The following CCDC85A variants were observed in gnomAD, a reference collection of about 807,000 sequenced individuals.
CCDC85A encodes the protein coiled-coil domain-containing protein 85A.
In CCDC85A, 38 loss-of-function variants were observed where a neutral mutation model predicts 50.2. That is an observed-to-expected ratio of 0.76 (90% CI 0.58 to 0.99). The LOEUF is 0.99. Ranked by LOEUF, CCDC85A falls within the 50% of genes least tolerant of loss-of-function variation. The probability of loss-of-function intolerance (pLI) is 0.00; values close to 1 mark genes in which losing one functional copy is unlikely to be tolerated. For missense variants in CCDC85A, 820 were observed against 742.0 expected (o/e 1.11, Z -1.22); for synonymous variants, 366 against 301.4 (o/e 1.21, Z -2.22).
intron 5 of CCDC85A, among the ~76,000 whole-genome samples, chr2:56,379,447 G>A (rs1028144142): frequency 2.6e-5 from 4 of 152,180 alleles, no homozygotes; most frequent in Non-Finnish European, 5.9e-5. Flanking sequence ...TGTTGATACA[G>A]TGAGATTATC....
intron 2 of CCDC85A, among the ~76,000 whole-genome samples, chr2:56,258,532 T>C (rs1449945818): frequency 6.6e-6 from 1 of 152,170 alleles, no homozygotes; most frequent in Non-Finnish European, 1.5e-5. Flanking sequence ...TCTACCAGAC[T>C]TGGCCTGGGA....
At chr2:56,347,782 A>G (rs1294111798) in intron 3 of CCDC85A, among the ~76,000 whole-genome samples, 1 of 152,158 alleles carries the variant, frequency 6.6e-6, no homozygotes, top group African/African-American at 2.4e-5. Flanking sequence ...TAAAATTGAA[A>G]TTTGATTTTT....
chr2:56,256,939 CAG>C (rs1442680560), intron 2 of CCDC85A, among the ~76,000 whole-genome samples: 2 of 152,094 alleles, frequency 1.3e-5, no homozygotes, highest in African/African-American at 4.8e-5. Flanking sequence ...TAATTTCAAA[CAG>C]ATTCAAATTG....
At chr2:56,217,099 A>G (rs1274755179) in intron 2 of CCDC85A, among the ~76,000 whole-genome samples, 2 of 151,846 alleles carry the variant, frequency 1.3e-5, no homozygotes, top group Non-Finnish European at 2.9e-5. Context: ...TCACCTCTCA[A>G]AGGTTAGGTT....
intron 2 of CCDC85A, among the ~76,000 whole-genome samples, chr2:56,292,406 T>C (rs189321956): frequency 5.4e-4 from 82 of 152,302 alleles, no homozygotes; most frequent in African/African-American, 1.9e-3. Context: ...AATTTTCAAC[T>C]TGATAAAGGA....
intron 2 of CCDC85A, among the ~76,000 whole-genome samples, chr2:56,219,545 A>T (rs1668230148): frequency 6.6e-6 from 1 of 151,628 alleles, no homozygotes; most frequent in African/African-American, 2.4e-5. Flanking sequence ...TTGCGTTCCA[A>T]CTATTCAATA....
chr2:56,323,116 G>A (rs1357101568), intron 2 of CCDC85A, among the ~76,000 whole-genome samples: 2 of 152,086 alleles, frequency 1.3e-5, no homozygotes, highest in African/African-American at 2.4e-5. Flanking sequence ...GACACAGGGT[G>A]GGGAACATCA....
At chr2:56,373,271 G>C (rs1676170786) in intron 4 of CCDC85A, among the ~76,000 whole-genome samples, 1 of 151,830 alleles carries the variant, frequency 6.6e-6, no homozygotes, top group African/African-American at 2.4e-5. Context: ...CCCAAAGCTA[G>C]TTTGAAGTAT....
intron 2 of CCDC85A, among the ~76,000 whole-genome samples, chr2:56,229,432 T>C (rs1022769917): frequency 2.6e-5 from 4 of 152,192 alleles, no homozygotes; most frequent in African/African-American, 9.6e-5. Context: ...TTGTTGCTTG[T>C]AATTATGGAA....
Position 56,192,982 on chromosome 2 carries a change from A to G in CCDC85A, c.782A>G (p.Lys261Arg). The change falls in exon 2 of 6, where the codon AAA (lysine) becomes AGA (arginine). Residue 261 changes from lysine (K) to arginine (R), a missense_variant. Transcript: ENST00000407595. This position sits in a 1 kb window ranked among gnomAD's most constrained non-coding sequence, Gnocchi z 4.7. ...AGCGCCAGCCCCGAGCATCCACAGA[A>G]ACCCAGAGCCTGTGGAACCCCAGAT... The part of the protein sequence containing the change: ...HRSASPEHPQ[K>R]PRACGTPDRP... The G allele has an allele frequency of 6.2e-7, 1 of 1,613,358 alleles. No individual in the cohort carries two copies. Among genetic ancestry groups the G allele is most frequent in the Non-Finnish European group, 8.5e-7 (1 of 1,179,712 alleles).
chr2:56,325,038 T>C (rs1350635326), intron 2 of CCDC85A, among the ~76,000 whole-genome samples: 2 of 152,148 alleles, frequency 1.3e-5, no homozygotes, highest in African/African-American at 4.8e-5. Context: ...TTTTCAATTT[T>C]ATCTTCTTTG....
chr2:56,306,362 A>G (rs1432152386), intron 2 of CCDC85A, among the ~76,000 whole-genome samples: 1 of 152,114 alleles, frequency 6.6e-6, no homozygotes, highest in Non-Finnish European at 1.5e-5. Flanking sequence ...TCCTGACCTC[A>G]GGTGGTCCAC....
chr2:56,253,966 A>G (rs1669875562), intron 2 of CCDC85A, among the ~76,000 whole-genome samples: 1 of 152,192 alleles, frequency 6.6e-6, no homozygotes, highest in South Asian at 2.1e-4. Flanking sequence ...TGACTGGCAC[A>G]TATGGGTATT....
chr2:56,345,890 A>G (rs1486170106), intron 3 of CCDC85A, among the ~76,000 whole-genome samples: 1 of 152,242 alleles, frequency 6.6e-6, no homozygotes, highest in Non-Finnish European at 1.5e-5. Flanking sequence ...GTTAATCTCA[A>G]TATTAGAACA....
chr2:56,353,005 A>G (rs957479049), intron 3 of CCDC85A, among the ~76,000 whole-genome samples: 2 of 152,232 alleles, frequency 1.3e-5, no homozygotes, highest in African/African-American at 4.8e-5. Flanking sequence ...TATACAAAAC[A>G]GGTGTGTTCT....
At chr2:56,376,784 AT>A (rs1224951924) in intron 5 of CCDC85A, among the ~76,000 whole-genome samples, 1 of 152,230 alleles carries the variant, frequency 6.6e-6, no homozygotes, top group Admixed American at 6.5e-5. Context: ...AATTTCTAAC[AT>A]GTAGCTTTGA....
chr2:56,213,674 CT>C (rs1409754339), intron 2 of CCDC85A, among the ~76,000 whole-genome samples: 1 of 151,888 alleles, frequency 6.6e-6, no homozygotes. Flanking sequence ...TTATTATGCA[CT>C]CTAGGAACCC....
At position 56,217,033 on chromosome 2, in the gene CCDC85A, A is replaced by G. The variant is rs1222699285; in HGVS notation, c.1240+23593A>G. 3.3e-5 allele frequency among the ~76,000 whole-genome samples: 5 copies of G among 151,906 alleles called. 1 individual carries two copies. In the South Asian group the frequency reaches 6.2e-4, roughly 19 times the overall value. The stretch of plus-strand genomic sequence containing the variant: ...TGATGTCATGCACAGCAAAGTTGCC[A>G]ATGTCAAAGGCTGACTTTGTAATCT... On this transcript the variant is annotated intron_variant, in intron 2 of 5. Transcript: ENST00000407595.
chr2:56,222,270 A>G (rs1006655445), intron 2 of CCDC85A, among the ~76,000 whole-genome samples: 1 of 152,150 alleles, frequency 6.6e-6, no homozygotes, highest in Non-Finnish European at 1.5e-5. Context: ...TTGCTTTTAT[A>G]TATCATTTAA....
Sources: allele counts gnomAD v4.1 joint callset (sites outside exome capture counted in the v4.1 genomes callset), GRCh38; gene constraint gnomAD v4.1.1; non-coding constraint Gnocchi (gnomAD v3.1); transcripts MANE v1.5; gene names NCBI Gene and HGNC (gene_info 2026-07-23, HGNC 2026-07-21).